Variants in LRCH1 observed in about 807,000 individuals in gnomAD.
The protein encoded by LRCH1 is leucine rich repeats and calponin homology domain containing 1.
A neutral mutation model predicts 94.9 loss-of-function variants in LRCH1; 23 were observed. The observed-to-expected ratio is 0.24, with a 90% confidence interval of 0.17 to 0.34. The LOEUF is 0.34. Ranked by LOEUF, LRCH1 falls within the 10% of genes least tolerant of loss-of-function variation. LRCH1 has a pLI of 1.00. For synonymous variants in LRCH1, 364 were observed against 354.9 expected (o/e 1.03, Z -0.29); for missense variants, 790 against 945.9 (o/e 0.84, Z 2.16).
downstream of LRCH1, among the ~76,000 whole-genome samples, chr13:46,749,441 C>A (rs1444523806): frequency 6.6e-6 from 1 of 152,044 alleles, no homozygotes; most frequent in Non-Finnish European, 1.5e-5. Context: ...GACTATAGTT[C>A]ATCATAATGT....
chr13:46,674,997 C>CA (rs58144347), intron 3 of LRCH1, among the ~76,000 whole-genome samples: 7 of 150,094 alleles, frequency 4.7e-5, no homozygotes, highest in Middle Eastern at 3.4e-3. Context: ...GAAAATGTTA[C>CA]AAAAAAAAAG....
intron 16 of LRCH1, among the ~76,000 whole-genome samples, chr13:46,717,067 A>T (rs977576723): frequency 5.3e-5 from 8 of 151,406 alleles, no homozygotes; most frequent in Non-Finnish European, 7.4e-5. Flanking sequence ...TTTTTTTTTT[A>T]AAACTGGGAA....
At chr13:46,636,269 A>G (rs1352899447) in intron 1 of LRCH1, among the ~76,000 whole-genome samples, 1 of 151,438 alleles carries the variant, frequency 6.6e-6, no homozygotes, top group Non-Finnish European at 1.5e-5. Flanking sequence ...ATGGGGTTTC[A>G]CCATGTTGGC....
rs7319836 is a variant in LRCH1, at chr13:46,723,217, G to C, written c.1760-4G>C. 1 of 1,574,552 alleles carries C rather than the reference G, an allele frequency of 6.4e-7. No homozygotes were observed. The highest frequency in any genetic ancestry group is 8.7e-7 in the Non-Finnish European group (1 of 1,146,420). ...AAAGGCTTTTTTTCCCCTTTGTATT[G>C]TAGTGTTTCTAAGACCTCAGAGAAA... On this transcript the variant is annotated splice_polypyrimidine_tract_variant and splice_region_variant and intron_variant, in intron 16 of 19. Transcript: ENST00000389797.
At chr13:46,748,331 T>C (rs1305414722), downstream of LRCH1, among the ~76,000 whole-genome samples, 1 of 152,056 alleles carries the variant, frequency 6.6e-6, no homozygotes, top group African/African-American at 2.4e-5. Flanking sequence ...GATTTTAACA[T>C]ATGGTATGAA....
chr13:46,721,342 C>T (rs1011246755), intron 16 of LRCH1, among the ~76,000 whole-genome samples: 2 of 152,184 alleles, frequency 1.3e-5, no homozygotes, highest in African/African-American at 4.8e-5. Context: ...GCGCCCCTTG[C>T]TGGCATATGT....
chr13:46,570,471 G>T (rs1482360441), intron 1 of LRCH1, among the ~76,000 whole-genome samples: 1 of 152,202 alleles, frequency 6.6e-6, no homozygotes, highest in Non-Finnish European at 1.5e-5. Flanking sequence ...CAAGGTCACA[G>T]CGCTGATTAG....
At chr13:46,619,059 T>TTTC (rs754625603) in intron 1 of LRCH1, among the ~76,000 whole-genome samples, 5,470 of 122,388 alleles carry the variant, frequency 0.045, 196 homozygotes, top group East Asian at 0.22. Flanking sequence ...TCTTTTCTTT[T>TTTC]CTTTTTTCCT....
intron 1 of LRCH1, among the ~76,000 whole-genome samples, chr13:46,615,055 A>G (rs369731213): frequency 1.3e-5 from 2 of 152,334 alleles, no homozygotes; most frequent in East Asian, 3.9e-4. Flanking sequence ...GTAATAATGA[A>G]TCTGAGTTAT....
chr13:46,706,696 T>A (rs1400078037), intron 13 of LRCH1, among the ~76,000 whole-genome samples: 1 of 152,042 alleles, frequency 6.6e-6, no homozygotes, highest in Non-Finnish European at 1.5e-5. Context: ...GTGCTGAGAT[T>A]ACAGGTGGCT....
At chr13:46,670,331 A>G (rs1365845903) in intron 3 of LRCH1, among the ~76,000 whole-genome samples, 1 of 152,206 alleles carries the variant, frequency 6.6e-6, no homozygotes, top group African/African-American at 2.4e-5. Context: ...GTCACAGGTC[A>G]TGAGTGACTA....
chr13:46,687,363 A>G (rs992922341), intron 5 of LRCH1, among the ~76,000 whole-genome samples: 3 of 152,148 alleles, frequency 2.0e-5, no homozygotes, highest in Non-Finnish European at 4.4e-5. Flanking sequence ...GTTAAACTGC[A>G]TGAGAGAAAA....
intron 1 of LRCH1, among the ~76,000 whole-genome samples, chr13:46,557,800 A>G (rs2050082238): frequency 6.6e-6 from 1 of 152,124 alleles, no homozygotes; most frequent in Non-Finnish European, 1.5e-5. Context: ...CTGAGGTTGC[A>G]GTGAGCTGAG....
At chr13:46,696,232 A>ACT (rs1214764276) in intron 9 of LRCH1, among the ~76,000 whole-genome samples, 8 of 140,288 alleles carry the variant, frequency 5.7e-5, no homozygotes, top group African/African-American at 1.9e-4. Flanking sequence ...ACACACACAC[A>ACT]CTCTTTATAT....
chr13:46,561,393 C>T (rs1157618512), intron 1 of LRCH1, among the ~76,000 whole-genome samples: 1 of 152,198 alleles, frequency 6.6e-6, no homozygotes, highest in African/African-American at 2.4e-5. Flanking sequence ...CCTTCTAGCT[C>T]AGTGTGTCTT....
chr13:46,741,340 T>G (rs989416106), intron 19 of LRCH1, among the ~76,000 whole-genome samples: 1 of 152,190 alleles, frequency 6.6e-6, no homozygotes, highest in African/African-American at 2.4e-5. Flanking sequence ...CATGATACCT[T>G]GAATATTAAA....
chr13:46,607,616 C>T (rs2050702384), intron 1 of LRCH1, among the ~76,000 whole-genome samples: 1 of 151,618 alleles, frequency 6.6e-6, no homozygotes, highest in Non-Finnish European at 1.5e-5. Flanking sequence ...TTCTCCTTCT[C>T]TTTCTCCCCT....
At chr13:46,603,296 C>T (rs895033502) in intron 1 of LRCH1, among the ~76,000 whole-genome samples, 3 of 152,122 alleles carry the variant, frequency 2.0e-5, no homozygotes, top group Non-Finnish European at 2.9e-5. Flanking sequence ...CATCCAGTTT[C>T]CTCCTCCTGA....
chr13:46,638,662 A>G (rs1241416567), intron 1 of LRCH1, among the ~76,000 whole-genome samples: 3 of 152,254 alleles, frequency 2.0e-5, no homozygotes, highest in Non-Finnish European at 2.9e-5. Context: ...ATCCCAAATT[A>G]GCAAGTCTGT....
Sources: gnomAD v4.1 joint callset for allele counts (sites outside exome capture counted in the v4.1 genomes callset) on GRCh38, gnomAD v4.1.1 for gene constraint, MANE v1.5 for transcripts, NCBI Gene and HGNC (gene_info 2026-07-23, HGNC 2026-07-21) for gene names.